Variants in PCLO observed in about 807,000 individuals in gnomAD.
PCLO encodes piccolo presynaptic cytomatrix protein, also known as protein piccolo.
A neutral mutation model predicts 427.5 loss-of-function variants in PCLO; 82 were observed. The observed-to-expected ratio is 0.19, with a 90% CI of 0.16 to 0.23. PCLO has a LOEUF of 0.23. PCLO is among the 10% of genes least tolerant of loss of function. The pLI, the probability that PCLO is intolerant of heterozygous loss-of-function variation, is 1.00. For synonymous variants in PCLO, 2,357 were observed against 2,155.4 expected (o/e 1.09, Z -2.59); for missense variants, 6,239 against 6,115.9 (o/e 1.02, Z -0.67).
At chr7:83,149,739 TACTAGAAAAATAAGATGCAAC>T (rs1452588271) in intron 2 of PCLO, among the ~76,000 whole-genome samples, 1 of 152,202 alleles carries the variant, frequency 6.6e-6, no homozygotes, top group Non-Finnish European at 1.5e-5. Context: ...CCATTTCTCT[TACTAGAAAAATAAGATGCAAC>T]AGGATTATCC....
chr7:83,120,098 A>G (rs1397920985), intron 3 of PCLO, among the ~76,000 whole-genome samples: 1 of 152,084 alleles, frequency 6.6e-6, no homozygotes, highest in Non-Finnish European at 1.5e-5. Flanking sequence ...AGAGACGATC[A>G]GAATAGAAAG....
At chr7:83,004,290 G>A (rs1787893575) in intron 3 of PCLO, among the ~76,000 whole-genome samples, 1 of 151,676 alleles carries the variant, frequency 6.6e-6, no homozygotes, top group Non-Finnish European at 1.5e-5. Context: ...AAACAGTCTG[G>A]TACTGGCACA....
intron 7 of PCLO, among the ~76,000 whole-genome samples, chr7:82,911,144 A>T (rs776347106): frequency 6.6e-6 from 1 of 152,138 alleles, no homozygotes; most frequent in Non-Finnish European, 1.5e-5. Flanking sequence ...TCAATTTATT[A>T]CCAATAATTC....
chr7:82,792,605 G>A (rs1217457561), intron 22 of PCLO, among the ~76,000 whole-genome samples: 1 of 151,988 alleles, frequency 6.6e-6, no homozygotes, highest in African/African-American at 2.4e-5. Flanking sequence ...TGGGATTACA[G>A]GGTGAGCCAC....
chr7:83,123,926 T>C lies in PCLO; in HGVS notation c.3300+10324A>G, dbSNP rs528782789. Among the ~76,000 whole-genome samples, 10 of 66,810 alleles carry C rather than the reference T, an allele frequency of 1.5e-4. No homozygotes were observed. In the South Asian group the frequency reaches 4.0e-3, roughly 27 times the overall value. The allele number at this position is 66,810 out of a possible 152,430, so 43.8% of individuals were successfully genotyped here. ...GGCCAACATGGTGAAACCCTGTCTC[T>C]ACTAAAAATACAAGAGAGAAACTCT... On this transcript the variant is annotated intron_variant, in intron 3 of 24. Coordinates refer to ENST00000333891, the MANE Select transcript of PCLO (RefSeq NM_033026.6).
At chr7:83,138,914 G>A (rs141222532) in intron 2 of PCLO, among the ~76,000 whole-genome samples, 5 of 151,704 alleles carry the variant, frequency 3.3e-5, no homozygotes, top group African/African-American at 4.8e-5. Context: ...ACCATGGCAC[G>A]TGTATATCTA....
intron 9 of PCLO, among the ~76,000 whole-genome samples, chr7:82,880,216 T>C (rs1251367110): frequency 6.6e-6 from 1 of 152,112 alleles, no homozygotes; most frequent in East Asian, 1.9e-4. Flanking sequence ...TACCTAAACA[T>C]GGAAAAACTA....
intron 6 of PCLO, among the ~76,000 whole-genome samples, chr7:82,941,893 G>A (rs1177096910): frequency 6.6e-6 from 1 of 152,028 alleles, no homozygotes. Flanking sequence ...ATATACAAAA[G>A]CGTGGCCAGG....
At chr7:82,965,534 T>C (rs1795747116) in intron 4 of PCLO, among the ~76,000 whole-genome samples, 2 of 152,150 alleles carry the variant, frequency 1.3e-5, no homozygotes, top group Non-Finnish European at 2.9e-5. Flanking sequence ...GATTATTTGA[T>C]AGGCATAAGA....
intron 8 of PCLO, among the ~76,000 whole-genome samples, chr7:82,906,507 A>G (rs974818007): frequency 6.6e-6 from 1 of 152,084 alleles, no homozygotes; most frequent in Non-Finnish European, 1.5e-5. Flanking sequence ...AAAAAGCATG[A>G]ATTTTGAATT....
At chr7:82,801,241 G>C (rs937772412) in intron 22 of PCLO, among the ~76,000 whole-genome samples, 6 of 115,106 alleles carry the variant, frequency 5.2e-5, no homozygotes, top group Admixed American at 9.9e-5. Context: ...CCCTGGGAAA[G>C]TCTTCTGAGT....
In PCLO at chr7:82,956,337, T is replaced by C. The variant is rs1418568992; in HGVS notation, c.4616A>G (p.Asp1539Gly). 2.5e-6 allele frequency: 4 copies of C among 1,613,200 alleles called. No homozygotes were observed. The highest frequency in any genetic ancestry group is 2.2e-5 in the East Asian group (1 of 44,868). ...TTGGCTGTCTTCCTGTTTATACTCA[T>C]CACTGCTTGATGAGCCAACACTAGT... ...RRTSVGSSSSDEYKQEDSQGS... is the reference protein window; with the variant it reads ...RRTSVGSSSSGEYKQEDSQGS... The change falls in exon 5 of 25, where the codon GAT (aspartate) becomes GGT (glycine). Residue 1539 changes from aspartate (D) to glycine (G), a missense_variant. This residue lies in a region of PCLO where 4,677 missense variants were observed against 4,468.4 expected (regional missense o/e 1.05). Transcript: ENST00000333891.
chr7:82,838,257 G>T lies in PCLO; in HGVS notation c.14183C>A (p.Ser4728Tyr). Reference protein sequence around the residue: ...NLVPRDNNGYSDPFVKVYLLP... With the variant: ...NLVPRDNNGYYDPFVKVYLLP... ...AAGGTACACTTTCACAAAAGGGTCA[G>T]AATAACCATTGTTGTCTCGAGGAAC... Residue 4728 changes from serine to tyrosine, a missense_variant, in exon 15 of 25, where the codon TCT (serine) becomes TAT (tyrosine). Coordinates refer to ENST00000333891, the MANE Select transcript of PCLO (RefSeq NM_033026.6). The T allele has an allele frequency of 6.3e-7, 1 of 1,598,180 alleles. No individual in the cohort carries two copies. The highest frequency in any genetic ancestry group is 8.6e-7 in the Non-Finnish European group (1 of 1,169,354).
rs1294632099 is a variant in PCLO at position 82,822,020 on chromosome 7, T to C, written c.14791+475A>G. The C allele has an allele frequency of 4.0e-6, 4 of 990,042 alleles. No individual in the cohort carries two copies. The East Asian group carries it at 3.4e-4, about 83-fold the overall frequency. 61.3% of individuals were successfully genotyped at this position (990,042 alleles called of 1,614,324 possible). Reference sequence around the variant, plus strand: ...AAGTTGACTGTTGGTTGCATTATCTTCTGCCTAGACTTTTTGAGTGTTTTC... The same window carrying C: ...AAGTTGACTGTTGGTTGCATTATCTCCTGCCTAGACTTTTTGAGTGTTTTC... On this transcript the variant is annotated intron_variant, in intron 20 of 24. Transcript: ENST00000333891.
chr7:83,116,327 T>C (rs1381902178), intron 3 of PCLO, among the ~76,000 whole-genome samples: 1 of 152,122 alleles, frequency 6.6e-6, no homozygotes, highest in Non-Finnish European at 1.5e-5. Context: ...AACCCACACA[T>C]AATGCAGCAA....
At chr7:82,871,981 TA>T (rs1242650868) in intron 10 of PCLO, among the ~76,000 whole-genome samples, 1 of 151,948 alleles carries the variant, frequency 6.6e-6, no homozygotes, top group Non-Finnish European at 1.5e-5. Flanking sequence ...TCTTTGAGCT[TA>T]AGAACATTTC....
chr7:82,993,892 T>C (rs1377422708), intron 3 of PCLO, among the ~76,000 whole-genome samples: 1 of 152,062 alleles, frequency 6.6e-6, no homozygotes, highest in Non-Finnish European at 1.5e-5. Context: ...GCCATCATTC[T>C]CAGCAAACTA....
intron 6 of PCLO, among the ~76,000 whole-genome samples, chr7:82,935,090 A>G (rs1794920261): frequency 1.3e-5 from 2 of 150,908 alleles, no homozygotes; most frequent in South Asian, 4.2e-4. Context: ...TCCTAAAATA[A>G]GGACAATCCT....
At chr7:83,159,456 C>T (rs1333613314) in intron 1 of PCLO, among the ~76,000 whole-genome samples, 4 of 151,862 alleles carry the variant, frequency 2.6e-5, no homozygotes, top group Admixed American at 2.6e-4. Flanking sequence ...AATGAAATTG[C>T]ACTTCTCTGG....
Sources: gnomAD v4.1 joint callset for allele counts (sites outside exome capture counted in the v4.1 genomes callset) on GRCh38, gnomAD v4.1.1 for gene constraint, gnomAD v4.1.1 regional missense constraint, MANE v1.5 for transcripts, NCBI Gene and HGNC (gene_info 2026-07-23, HGNC 2026-07-21) for gene names.